Variants in YARS1 observed in about 807,000 individuals in gnomAD.
The protein encoded by YARS1 is tyrosyl-tRNA synthetase 1.
Under a neutral mutation model 62.2 loss-of-function variants are expected in YARS1, and 36 were observed. That is an observed-to-expected ratio of 0.58 (90% CI 0.44 to 0.76). The LOEUF (loss-of-function observed/expected upper bound fraction) is 0.76. Ranked by LOEUF, YARS1 falls within the 30% of genes least tolerant of loss-of-function variation. The pLI is 0.00. For missense variants in YARS1, 524 were observed against 639.8 expected (o/e 0.82, Z 1.95); for synonymous variants, 234 against 244.9 (o/e 0.96, Z 0.42).
At chr1:32,780,062 C>A (rs1028633163) in intron 11 of YARS1, 23 bp downstream of exon 11, 2 of 1,613,676 alleles carry the variant, frequency 1.2e-6, no homozygotes, top group Non-Finnish European at 1.7e-6. Context: ...AGGTCCTGTG[C>A]CCCACTCCAA....
chr1:32,797,666 A>G, intron 5 of YARS1, 97 bp downstream of exon 5: 1 of 1,039,720 alleles, frequency 9.6e-7, no homozygotes, highest in South Asian at 1.3e-5. Flanking sequence ...TATTTACCAT[A>G]CACTATGACT....
At chr1:32,797,603 G>T in intron 5 of YARS1, 160 bp downstream of exon 5, 1 of 691,842 alleles carries the variant, frequency 1.4e-6, no homozygotes, top group Non-Finnish European at 2.6e-6. Context: ...GTGTGATATT[G>T]GACAACTTCT....
chr1:32,782,450 G>T lies in YARS1; in HGVS notation c.996C>A (p.Ala332=). 1 of 1,614,054 alleles carries T rather than the reference G, an allele frequency of 6.2e-7. No individual in the cohort carries two copies. Among genetic ancestry groups the T allele is most frequent in the Non-Finnish European group, 8.5e-7 (1 of 1,180,012 alleles). ...AGGCAGCGCTGGCCAGTTTTTTCAG[G>T]GCAGGGGTATTAAACTTTTCCCGGA... The part of the protein sequence containing the change: ...DPIREKFNTP[A]LKKLASAAYP... Residue 332 remains alanine (A), a synonymous_variant, in exon 9 of 13, where the codon GCC becomes GCA. Coordinates refer to ENST00000373477, the MANE Select transcript of YARS1 (RefSeq NM_003680.4).
intron 4 of YARS1, among the ~76,000 whole-genome samples, chr1:32,803,286 CTTT>C (rs60704395): frequency 7.4e-5 from 10 of 134,964 alleles, no homozygotes; most frequent in Admixed American, 1.5e-4. Context: ...CCTAATTCTT[CTTT>C]TTTTTTTTTT....
At chr1:32,807,279 A>T (rs964830388) in intron 3 of YARS1, among the ~76,000 whole-genome samples, 1 of 152,070 alleles carries the variant, frequency 6.6e-6, no homozygotes, top group Admixed American at 6.6e-5. Context: ...TGGCTTTCTG[A>T]TCAAACCTGC....
At chr1:32,800,050 G>A (rs12759668) in intron 4 of YARS1, among the ~76,000 whole-genome samples, 7,835 of 151,860 alleles carry the variant, frequency 0.052, 283 homozygotes, top group East Asian at 0.17. Flanking sequence ...GCATGATCTC[G>A]GCTCACTGCA....
At chr1:32,804,396 G>A (rs1638393737) in intron 4 of YARS1, among the ~76,000 whole-genome samples, 1 of 151,550 alleles carries the variant, frequency 6.6e-6, no homozygotes, top group South Asian at 2.1e-4. Flanking sequence ...CTCCTGGACA[G>A]GGCGGCTGGC....
At position 32,811,061 on chromosome 1, in the gene YARS1, T is replaced by C. The variant is rs760850018; in HGVS notation, c.58-4A>G. On this transcript the variant is annotated splice_polypyrimidine_tract_variant and splice_region_variant and intron_variant, in intron 1 of 12. Transcript: ENST00000373477. Reference sequence around the variant, plus strand: ...GCTTCTCTTCCCCCAGAACCTCCTATTGTGGAAGCAGAAGAGTTAGTTTAA... The same window carrying C: ...GCTTCTCTTCCCCCAGAACCTCCTACTGTGGAAGCAGAAGAGTTAGTTTAA... 18 of 1,614,060 alleles carry C rather than the reference T, an allele frequency of 1.1e-5. No individual in the cohort carries two copies. Among genetic ancestry groups the C allele is most frequent in the Non-Finnish European group, 1.5e-5 (18 of 1,180,010 alleles).
In YARS1 at chr1:32,804,826, G is replaced by C. The variant is rs1411597961; in HGVS notation, c.510+1656C>G. ...CAGAGACGCTCCTCACTTCCCAGAT[G>C]GGGTGGCAGCCAGGCAGAGGCTGCA... On this transcript the variant is annotated intron_variant, in intron 4 of 12. Transcript: ENST00000373477. Among the ~76,000 whole-genome samples the C allele has an allele frequency of 5.9e-5, 9 of 152,232 alleles. No homozygotes were observed. In the East Asian group the frequency reaches 1.6e-3, roughly 26 times the overall value.
rs1314891106 is a variant in YARS1 at position 32,804,290 on chromosome 1, GCTC to G, written c.510+2189_510+2191del. 4.6e-5 allele frequency among the ~76,000 whole-genome samples: 7 copies of G among 151,928 alleles called. No homozygotes were observed. In the East Asian group the frequency reaches 1.2e-3, roughly 25 times the overall value. ...GACGGGGTGGCCGCCGGGCAGAGGG[GCTC>G]CTCACTTCCCAGACGGGGCGGCCGG... On this transcript the variant is annotated intron_variant, in intron 4 of 12. Coordinates refer to ENST00000373477, the MANE Select transcript of YARS1 (RefSeq NM_003680.4).
At chr1:32,780,995 C>CA (rs1653035083) in intron 10 of YARS1, 53 bp downstream of exon 10, 1 of 1,559,458 alleles carries the variant, frequency 6.4e-7, no homozygotes, top group Admixed American at 1.7e-5. Flanking sequence ...CGGATGGAAA[C>CA]AGACAAACCT....
intron 6 of YARS1, among the ~76,000 whole-genome samples, chr1:32,788,123 A>C (rs1458536524): frequency 1.3e-5 from 2 of 152,188 alleles, no homozygotes; most frequent in East Asian, 3.8e-4. Flanking sequence ...GCCATCTAAC[A>C]AATTAAACTA....
rs1652990908 is a variant in YARS1, at chr1:32,779,692, A to C, written c.1335-169T>G. 4 of 830,740 alleles carry C rather than the reference A, an allele frequency of 4.8e-6. No homozygotes were observed. The East Asian group carries it at 1.1e-4, about 22-fold the overall frequency. 51.5% of individuals were successfully genotyped at this position (830,740 alleles called of 1,614,324 possible). A position where few individuals can be genotyped will look rare whatever the true frequency, so the allele number is the denominator to read the frequency against. ...TCTTGCTACATCCCTGCATATCACC[A>C]GGGTTACATTAACCCAGGCTATACC... On this transcript the variant is annotated intron_variant, in intron 11 of 12. Coordinates refer to ENST00000373477, the MANE Select transcript of YARS1 (RefSeq NM_003680.4).
At position 32,779,254 on chromosome 1, in the gene YARS1, G is replaced by A. The variant is rs1177005263; in HGVS notation, c.1476+128C>T. The stretch of plus-strand genomic sequence containing the variant: ...GAATTCAAAAAGGTCTGGAAAGAAG[G>A]AGGGAGAGAGGGGCTCAAATGCAGG... On this transcript the variant is annotated intron_variant, in intron 12 of 12. Transcript: ENST00000373477. 5.5e-5 allele frequency: 81 copies of A among 1,482,706 alleles called. No homozygotes were observed. In the East Asian group the frequency reaches 1.8e-3, roughly 32 times the overall value. 91.8% of individuals were successfully genotyped at this position (1,482,706 alleles called of 1,614,324 possible).
chr1:32,807,239 G>A (rs1638483939), intron 3 of YARS1, among the ~76,000 whole-genome samples: 1 of 152,058 alleles, frequency 6.6e-6, no homozygotes, highest in Non-Finnish European at 1.5e-5. Flanking sequence ...TAGTACTTTA[G>A]AACACTAGTT....
At chr1:32,814,453 C>T (rs1275958512) in intron 1 of YARS1, among the ~76,000 whole-genome samples, 1 of 152,184 alleles carries the variant, frequency 6.6e-6, no homozygotes, top group Non-Finnish European at 1.5e-5. Flanking sequence ...TGCAGTGATG[C>T]AATCCTGAGT....
intron 4 of YARS1, among the ~76,000 whole-genome samples, chr1:32,804,166 ATCTC>A (rs954152350): frequency 3.9e-5 from 6 of 152,214 alleles, no homozygotes; most frequent in African/African-American, 4.8e-5. Flanking sequence ...TAACAATCTG[ATCTC>A]TCTTTCTTTT....
rs1204903701 is a variant in YARS1, at chr1:32,810,851, TAA to T, written c.204+58_204+59del. On this transcript the variant is annotated intron_variant, in intron 2 of 12. Coordinates refer to ENST00000373477, the MANE Select transcript of YARS1 (RefSeq NM_003680.4). ...TCCTCCAGCCCCACCCTGTCCTTGT[TAA>T]GTCTCTCTTGGGTCTCCCTTGGGTC... The T allele has an allele frequency of 3.1e-6, 5 of 1,613,930 alleles. No homozygotes were observed. In the Admixed American group the frequency reaches 5.0e-5, roughly 16 times the overall value.
Position 32,810,520 on chromosome 1 carries a change from C to T in YARS1, c.380+71G>A. ...CTTCTAATCTAAATGTAAAGAATGC[C>T]TGGACTCCACAGGCCTGTAATTAGC... On this transcript the variant is annotated intron_variant, in intron 3 of 12. Coordinates refer to ENST00000373477, the MANE Select transcript of YARS1 (RefSeq NM_003680.4). 8.2e-6 allele frequency: 13 copies of T among 1,590,002 alleles called. No individual in the cohort carries two copies. In the South Asian group the frequency reaches 1.3e-4, roughly 16 times the overall value.
Sources: gnomAD v4.1 joint callset for allele counts (sites outside exome capture counted in the v4.1 genomes callset) on GRCh38, gnomAD v4.1.1 for gene constraint, MANE v1.5 for transcripts, NCBI Gene and HGNC (gene_info 2026-07-23, HGNC 2026-07-21) for gene names.